Variants in DYNC2H1 observed in about 807,000 individuals in gnomAD.
The protein encoded by DYNC2H1 is dynein cytoplasmic 2 heavy chain 1.
DYNC2H1 carries 410 observed loss-of-function variants against 570.0 expected under a neutral mutation model. The observed-to-expected ratio is 0.72, with a 90% confidence interval of 0.66 to 0.78. DYNC2H1 has a LOEUF of 0.78. Among genes scored for constraint, DYNC2H1 ranks in the 30% least tolerant of loss-of-function variants. DYNC2H1 has a pLI of 0.00. For synonymous variants in DYNC2H1, 1,688 were observed against 1,677.6 expected (o/e 1.01, Z -0.15); for missense variants, 4,865 against 5,046.4 (o/e 0.96, Z 1.09).
intron 69 of DYNC2H1, among the ~76,000 whole-genome samples, chr11:103,259,144 A>T (rs1326689510): frequency 6.6e-6 from 1 of 152,198 alleles, no homozygotes; most frequent in East Asian, 1.9e-4. Flanking sequence ...TTTATAAATC[A>T]CAAGGAAGCA....
At chr11:103,476,315 C>G (rs1203957191) in intron 88 of DYNC2H1, among the ~76,000 whole-genome samples, 1 of 152,016 alleles carries the variant, frequency 6.6e-6, no homozygotes, top group Non-Finnish European at 1.5e-5. Flanking sequence ...TTAACATATC[C>G]CAGAGTAGCA....
Position 103,191,576 on chromosome 11 carries a change from T to G in DYNC2H1, c.7497T>G (p.Leu2499=). The change falls in exon 46 of 89, where the codon CTT becomes CTG. Residue 2499 remains leucine, a synonymous_variant. Transcript: ENST00000375735. ...ACTATTTCTTTACTCCTTGCATTCT[T>G]ACCCAATGGGTTCTTGGCTTATTTA... ...YSHYFFTPCI[L]TQWVLGLFRY... The G allele has an allele frequency of 2.5e-6, 4 of 1,610,664 alleles. No individual in the cohort carries two copies. The highest frequency in any genetic ancestry group is 3.4e-6 in the Non-Finnish European group (4 of 1,178,346).
chr11:103,439,906 A>T lies in DYNC2H1; in HGVS notation c.12456+3874A>T, dbSNP rs1944204344. Reference sequence around the variant, plus strand: ...TCTTTTCTTCAGAAATAACATCTTCAAAGAGTTTCTTGTGTTCCTGATTTC... The same window carrying T: ...TCTTTTCTTCAGAAATAACATCTTCTAAGAGTTTCTTGTGTTCCTGATTTC... On this transcript the variant is annotated intron_variant, in intron 85 of 88. Coordinates refer to ENST00000375735, the MANE Select transcript of DYNC2H1 (RefSeq NM_001377.3). This position sits in a 1 kb window ranked among gnomAD's most constrained non-coding sequence, Gnocchi z 4.1. Among the ~76,000 whole-genome samples the T allele has an allele frequency of 6.6e-6, 1 of 152,094 alleles. No individual in the cohort carries two copies. Among genetic ancestry groups the T allele is most frequent in the Non-Finnish European group, 1.5e-5 (1 of 68,012 alleles).
chr11:103,148,372 G>A, intron 19 of DYNC2H1, 118 bp from the exon 20 acceptor site: 1 of 1,036,354 alleles, frequency 9.6e-7, no homozygotes, highest in Non-Finnish European at 1.3e-6. Flanking sequence ...TGATAATTTA[G>A]AACTTATTGT....
rs751823989 is a variant in DYNC2H1, at chr11:103,435,985, C to T, written c.12409C>T (p.Pro4137Ser). The part of the protein sequence containing the change: ...WQSKWEGPED[P>S]LQYLRGLVAR... ...GAGCAAGTGGGAAGGCCCAGAAGAT[C>T]CCTTACAATACCTGAGAGGTCTTGT... is the stretch of plus-strand genomic sequence containing the variant. Residue 4137 changes from proline to serine, a missense_variant, in exon 85 of 89, where the codon CCC becomes TCC. Around this residue, in one of 5 missense-constraint regions of DYNC2H1, gnomAD observed 2,401 missense variants for 2,454.6 expected, o/e 0.98. Coordinates refer to ENST00000375735, the MANE Select transcript of DYNC2H1 (RefSeq NM_001377.3). 8 of 1,612,634 alleles carry T rather than the reference C, an allele frequency of 5.0e-6. No individual in the cohort carries two copies. The Admixed American group carries it at 5.0e-5, about 10-fold the overall frequency.
chr11:103,244,558 T>A lies in DYNC2H1; in HGVS notation c.9919-693T>A, dbSNP rs1864536278. 6.7e-6 allele frequency among the ~76,000 whole-genome samples: 1 copy of A among 149,078 alleles called. No individual in the cohort carries two copies. ...TTGCATATATGCAAATCATTTATGG[T>A]TTGCAATATTATATATAACTATATA... On this transcript the variant is annotated intron_variant, in intron 64 of 88. Transcript: ENST00000375735. This position sits in a 1 kb window ranked among gnomAD's most constrained non-coding sequence, Gnocchi z 4.3.
rs1213573717 is a variant in DYNC2H1 at position 103,299,999 on chromosome 11, A to G, written c.11096-3094A>G. Among the ~76,000 whole-genome samples, 2 of 152,018 alleles carry G rather than the reference A, an allele frequency of 1.3e-5. No homozygotes were observed. The highest frequency in any genetic ancestry group is 3.9e-4 in the East Asian group (2 of 5,192). On this transcript the variant is annotated intron_variant, in intron 75 of 88. Transcript: ENST00000375735. The surrounding 1 kb of genome is among the most constrained non-coding windows in gnomAD (Gnocchi z 4.5). ...TCCTCTTTTTATTGATGTTTGTGGT[A>G]CATTTTTACAATTGTTTTCTCATAA...
intron 70 of DYNC2H1, among the ~76,000 whole-genome samples, chr11:103,271,771 G>A (rs1406330718): frequency 1.3e-5 from 2 of 152,084 alleles, no homozygotes; most frequent in Non-Finnish European, 2.9e-5. Context: ...CTTTAACTTA[G>A]ATCTAGAGGA....
intron 24 of DYNC2H1, among the ~76,000 whole-genome samples, 171 bp from the exon 25 acceptor site, chr11:103,155,160 A>G (rs1017092524): frequency 5.3e-5 from 8 of 152,114 alleles, no homozygotes; most frequent in Non-Finnish European, 1.2e-4. Flanking sequence ...CATTTAATCA[A>G]AAGCTTTATA....
intron 87 of DYNC2H1, among the ~76,000 whole-genome samples, chr11:103,457,092 C>A (rs1338476373): frequency 3.9e-5 from 6 of 152,292 alleles, no homozygotes; most frequent in Non-Finnish European, 7.4e-5. Flanking sequence ...CCGGTGACGT[C>A]TTTTGTTCAT....
At chr11:103,187,630 T>C (rs374845494) in intron 43 of DYNC2H1, 44 bp downstream of exon 43, 370 of 1,584,564 alleles carry the variant, frequency 2.3e-4, no homozygotes, top group Non-Finnish European at 2.8e-4. Flanking sequence ...TTGGAAACAA[T>C]TTAATTTCAT....
At chr11:103,178,423 C>T (rs1309552897) in intron 38 of DYNC2H1, among the ~76,000 whole-genome samples, 2 of 152,022 alleles carry the variant, frequency 1.3e-5, no homozygotes, top group African/African-American at 4.8e-5. Context: ...TATAATACCA[C>T]ATTAAGTAAA....
At chr11:103,354,379 T>G (rs1940224690) in intron 82 of DYNC2H1, among the ~76,000 whole-genome samples, 1 of 152,044 alleles carries the variant, frequency 6.6e-6, no homozygotes, top group African/African-American at 2.4e-5. Context: ...TATACTAAAT[T>G]TTAATGTGCC....
rs1188654204 is a variant in DYNC2H1 at position 103,109,580 on chromosome 11, G to A, written c.6G>A (p.Ala2=). The change falls in exon 1 of 89, where the codon GCG becomes GCA. Residue 2 remains alanine (A), a synonymous_variant. Coordinates refer to ENST00000375735, the MANE Select transcript of DYNC2H1 (RefSeq NM_001377.3). ...TCCCTCCACCCCTTCCAATCATGGC[G>A]AACGGGACTGCGGACGTTCGGAAGC... The part of the protein sequence containing the change: M[A]NGTADVRKLF... 3.1e-6 allele frequency: 5 copies of A among 1,612,872 alleles called. No homozygotes were observed. The Admixed American group carries it at 5.0e-5, about 16-fold the overall frequency.
intron 65 of DYNC2H1, 25 bp from the exon 66 acceptor site, chr11:103,253,260 C>T: frequency 6.3e-7 from 1 of 1,591,688 alleles, no homozygotes; most frequent in Non-Finnish European, 8.6e-7. Context: ...TTCAGACCAA[C>T]CAATTGTGTG....
At chr11:103,179,651 G>C (rs896144696) in intron 39 of DYNC2H1, among the ~76,000 whole-genome samples, 3 of 151,632 alleles carry the variant, frequency 2.0e-5, no homozygotes, top group Admixed American at 2.0e-4. Flanking sequence ...TAGATTCACA[G>C]AATTTTAGGG....
At chr11:103,206,108 A>T (rs538614212) in intron 52 of DYNC2H1, among the ~76,000 whole-genome samples, 2 of 152,290 alleles carry the variant, frequency 1.3e-5, no homozygotes, top group South Asian at 4.1e-4. Context: ...CTAAGGATGT[A>T]GTGGTAAGGT....
intron 84 of DYNC2H1, among the ~76,000 whole-genome samples, chr11:103,425,314 C>T (rs1179409940): frequency 6.6e-6 from 1 of 152,148 alleles, no homozygotes; most frequent in South Asian, 2.1e-4. Context: ...TTATTTCTTA[C>T]AGTTCTGAAG....
chr11:103,392,146 A>T (rs1591672874), intron 83 of DYNC2H1, among the ~76,000 whole-genome samples: 1 of 152,170 alleles, frequency 6.6e-6, no homozygotes, highest in Admixed American at 6.5e-5. Flanking sequence ...GGTGGACTCC[A>T]CCCAGTTCGA....
Sources: gnomAD v4.1 joint callset for allele counts (sites outside exome capture counted in the v4.1 genomes callset) on GRCh38, gnomAD v4.1.1 for gene constraint, gnomAD v4.1.1 regional missense constraint, Gnocchi (gnomAD v3.1) non-coding constraint, MANE v1.5 for transcripts, NCBI Gene and HGNC (gene_info 2026-07-23, HGNC 2026-07-21) for gene names.